Variants in WNT7B observed in about 807,000 individuals in gnomAD.
WNT7B encodes the protein protein Wnt-7b.
A neutral mutation model predicts 38.2 loss-of-function variants in WNT7B; 19 were observed. The observed-to-expected ratio is 0.50, with a 90% CI of 0.35 to 0.73. WNT7B has a LOEUF of 0.73. WNT7B is among the 30% of genes least tolerant of loss of function. The pLI is 0.01. For synonymous variants in WNT7B, 243 were observed against 209.3 expected (o/e 1.16, Z -1.39); for missense variants, 423 against 507.9 (o/e 0.83, Z 1.61).
intron 3 of WNT7B, chr22:45,926,745 A>ACGTCTGC: frequency 1.0e-6 from 1 of 985,328 alleles, no homozygotes; most frequent in Non-Finnish European, 1.2e-6. Flanking sequence ...GACACAGCAC[A>ACGTCTGC]CGTCTGCTTC....
chr22:45,956,616 C>T (rs757504921), intron 1 of WNT7B, among the ~76,000 whole-genome samples: 13 of 152,320 alleles, frequency 8.5e-5, no homozygotes, highest in South Asian at 4.1e-4. Context: ...CCCAAGGATA[C>T]GCACATGGGT....
chr22:45,971,982 C>T (rs941331156), intron 1 of WNT7B, among the ~76,000 whole-genome samples: 11 of 152,216 alleles, frequency 7.2e-5, no homozygotes, highest in Non-Finnish European at 1.5e-4. Flanking sequence ...AGTGCTCCAC[C>T]TCGGCAGCTT....
chr22:45,972,158 T>A lies in WNT7B; in HGVS notation c.71+4526A>T, dbSNP rs963652259. ...GCACGCCGCCCGCGGCACTCACAAG[T>A]AGCTGCCGCTGGACAGGAGGAGAAA... On this transcript the variant is annotated intron_variant, in intron 1 of 3. Transcript: ENST00000339464. 9 of 422,434 alleles carry A rather than the reference T, an allele frequency of 2.1e-5. 1 individual carries two copies. The highest frequency in any genetic ancestry group is 3.6e-5 in the Non-Finnish European group (8 of 219,850). The allele number at this position is 422,434 out of a possible 1,614,324, so 26.2% of individuals were successfully genotyped here.
At chr22:45,960,757 G>A (rs555390763) in intron 1 of WNT7B, among the ~76,000 whole-genome samples, 3 of 152,336 alleles carry the variant, frequency 2.0e-5, no homozygotes, top group East Asian at 1.9e-4. Context: ...GCAGATACCC[G>A]GGAGGACAGC....
intron 3 of WNT7B, among the ~76,000 whole-genome samples, chr22:45,929,929 C>T (rs911421373): frequency 2.1e-5 from 3 of 141,622 alleles, no homozygotes; most frequent in African/African-American, 5.3e-5. Context: ...TCCTCCCATC[C>T]ACCCACTCAT....
At chr22:45,926,530 TC>T in intron 3 of WNT7B, 1 of 985,332 alleles carries the variant, frequency 1.0e-6, no homozygotes, top group Non-Finnish European at 1.2e-6. Context: ...TGGACTAAAG[TC>T]CTTCCAGGGC....
At chr22:45,926,358 C>T in intron 3 of WNT7B, 1 of 985,382 alleles carries the variant, frequency 1.0e-6, no homozygotes. Flanking sequence ...TCCTCCAGGC[C>T]TTGGTTCCTC....
chr22:45,954,791 C>T (rs1246950451), intron 1 of WNT7B: 1 of 984,696 alleles, frequency 1.0e-6, no homozygotes, highest in Admixed American at 6.1e-5. Context: ...CCAAGTGCTC[C>T]CATTCTGAGG....
chr22:45,970,542 C>G (rs1382601221), intron 1 of WNT7B, among the ~76,000 whole-genome samples: 1 of 152,072 alleles, frequency 6.6e-6, no homozygotes, highest in Non-Finnish European at 1.5e-5. Context: ...AACCCCCAAC[C>G]CCCCCACTTC....
At chr22:45,925,866 C>G (rs1931066545) in intron 3 of WNT7B, 3 of 985,318 alleles carry the variant, frequency 3.0e-6, no homozygotes, top group Non-Finnish European at 2.4e-6. Context: ...CCTGTCCAGA[C>G]TAGAGGGTGT....
intron 2 of WNT7B, among the ~76,000 whole-genome samples, chr22:45,932,127 G>T (rs1266211508): frequency 1.3e-5 from 2 of 152,086 alleles, no homozygotes; most frequent in African/African-American, 2.4e-5. Flanking sequence ...CCCTCCAAGG[G>T]CAGTCTGGCC....
rs941638861 is a variant in WNT7B at position 45,966,573 on chromosome 22, C to T, written c.71+10111G>A. ...TCCGTTGCTGCTGACACCCGGCAAG[C>T]TGCTCGTCGGGTGCGGTGGCTTCCT... On this transcript the variant is annotated intron_variant, in intron 1 of 3. Coordinates refer to ENST00000339464, the MANE Select transcript of WNT7B (RefSeq NM_058238.3). The surrounding 1 kb of genome is among the most constrained non-coding windows in gnomAD (Gnocchi z 4.2). Among the ~76,000 whole-genome samples the T allele has an allele frequency of 6.6e-6, 1 of 152,240 alleles. No homozygotes were observed. The highest frequency in any genetic ancestry group is 1.5e-5 in the Non-Finnish European group (1 of 68,038).
At chr22:45,942,467 C>CAAGG (rs1931672781) in intron 2 of WNT7B, among the ~76,000 whole-genome samples, 1 of 152,232 alleles carries the variant, frequency 6.6e-6, no homozygotes, top group Admixed American at 6.5e-5. Flanking sequence ...AGGCAGAGAC[C>CAAGG]AAGGCACAGG....
intron 1 of WNT7B, among the ~76,000 whole-genome samples, chr22:45,960,345 T>C (rs554869142): frequency 3.3e-5 from 5 of 152,254 alleles, no homozygotes; most frequent in African/African-American, 1.2e-4. Context: ...GCCCAGACTC[T>C]GTGCTTGACC....
intron 1 of WNT7B, among the ~76,000 whole-genome samples, chr22:45,960,091 C>T (rs1932161810): frequency 6.6e-6 from 1 of 152,348 alleles, no homozygotes; most frequent in African/African-American, 2.4e-5. Context: ...GACCCACGCG[C>T]CACCCTGACA....
intron 1 of WNT7B, among the ~76,000 whole-genome samples, chr22:45,967,639 A>G (rs1013764071): frequency 2.1e-5 from 3 of 143,912 alleles, no homozygotes; most frequent in African/African-American, 7.5e-5. Flanking sequence ...ACACCCAAGC[A>G]GGGGCCCTGG....
At chr22:45,931,032 C>G (rs990811913) in intron 3 of WNT7B, 66 bp downstream of exon 3, 11 of 1,490,302 alleles carry the variant, frequency 7.4e-6, no homozygotes, top group Non-Finnish European at 9.8e-6. Context: ...GCCTGAGGCT[C>G]CGAGAGGTCA....
rs1471440558 is a variant in WNT7B, at chr22:45,950,986, C to T, written c.72-840G>A. Among the ~76,000 whole-genome samples the T allele has an allele frequency of 1.3e-5, 2 of 152,238 alleles. 1 individual carries two copies. Among genetic ancestry groups the T allele is most frequent in the East Asian group, 3.8e-4 (2 of 5,198 alleles). ...AACTTTGTCATTAATCTCCTAGCAA[C>T]TCTCAGGACCTGAAGCCCTAGACAA... On this transcript the variant is annotated intron_variant, in intron 1 of 3. Transcript: ENST00000339464.
chr22:45,942,521 T>C (rs956569452), intron 2 of WNT7B, among the ~76,000 whole-genome samples: 1 of 152,228 alleles, frequency 6.6e-6, no homozygotes, highest in African/African-American at 2.4e-5. Flanking sequence ...TCCCTGCTTG[T>C]GCAGTTGAAG....
Sources: gnomAD v4.1 joint callset for allele counts (sites outside exome capture counted in the v4.1 genomes callset) on GRCh38, gnomAD v4.1.1 for gene constraint, Gnocchi (gnomAD v3.1) non-coding constraint, MANE v1.5 for transcripts, NCBI Gene and HGNC (gene_info 2026-07-23, HGNC 2026-07-21) for gene names.